PHF14: variants seen among roughly 807,000 people sequenced by gnomAD.
PHF14 encodes the protein PHD finger protein 14.
A neutral mutation model predicts 117.9 loss-of-function variants in PHF14; 55 were observed. That is an observed-to-expected ratio of 0.47 (90% confidence interval 0.38 to 0.58). PHF14 has a LOEUF of 0.58. PHF14 is among the 20% of genes least tolerant of loss of function. The pLI, the probability that PHF14 is intolerant of heterozygous loss-of-function variation, is 0.00. For synonymous variants in PHF14, 409 were observed against 368.6 expected, an observed-to-expected ratio of 1.11 and a Z score of -1.26; for missense variants, 978 against 1,122.2, an observed-to-expected ratio of 0.87 and a Z score of 1.84.
intron 4 of PHF14, among the ~76,000 whole-genome samples, chr7:11,006,163 C>A (rs555748617): frequency 1.6e-4 from 24 of 152,304 alleles, no homozygotes; most frequent in Non-Finnish European, 3.1e-4. Flanking sequence ...TAATTACCAA[C>A]AATGCACAAA....
At chr7:11,103,394 A>G in intron 16 of PHF14, 1 of 978,464 alleles carries the variant, frequency 1.0e-6, no homozygotes, top group Non-Finnish European at 1.2e-6. Flanking sequence ...TACAAAGATT[A>G]TTGACTATAC....
At chr7:11,029,485 T>A (rs1407155625) in intron 7 of PHF14, among the ~76,000 whole-genome samples, 2 of 152,188 alleles carry the variant, frequency 1.3e-5, no homozygotes, top group Non-Finnish European at 2.9e-5. Context: ...AGAATCCAGC[T>A]ACCTTTTTTT....
chr7:11,070,400 T>C (rs1785574894), intron 16 of PHF14, among the ~76,000 whole-genome samples: 1 of 152,240 alleles, frequency 6.6e-6, no homozygotes, highest in Admixed American at 6.5e-5. Flanking sequence ...TCAAGGAATG[T>C]ATTGATTTCA....
At chr7:11,156,408 G>T (rs1003641725) in intron 17 of PHF14, among the ~76,000 whole-genome samples, 7 of 152,178 alleles carry the variant, frequency 4.6e-5, no homozygotes, top group Admixed American at 1.3e-4. Context: ...TAAAACTGAA[G>T]ATTAATGGGT....
intron 14 of PHF14, among the ~76,000 whole-genome samples, chr7:11,060,272 T>C (rs546949909): frequency 2.0e-5 from 3 of 152,320 alleles, no homozygotes; most frequent in Admixed American, 1.3e-4. Flanking sequence ...ACAAGTTAAT[T>C]GAGTCTTTAT....
At chr7:11,029,311 GA>G (rs1784037806) in intron 7 of PHF14, among the ~76,000 whole-genome samples, 1 of 152,064 alleles carries the variant, frequency 6.6e-6, no homozygotes, top group African/African-American at 2.4e-5. Context: ...AGTGTTTGGG[GA>G]CTGGTTAAGA....
chr7:11,082,819 A>G (rs1266649881), intron 16 of PHF14, among the ~76,000 whole-genome samples: 2 of 152,036 alleles, frequency 1.3e-5, no homozygotes, highest in Non-Finnish European at 2.9e-5. Flanking sequence ...TCTGTGTGGG[A>G]TATGACAAGA....
intron 16 of PHF14, among the ~76,000 whole-genome samples, chr7:11,098,255 T>G (rs1786949909): frequency 6.6e-6 from 1 of 152,224 alleles, no homozygotes; most frequent in Non-Finnish European, 1.5e-5. Context: ...CAGAATATTT[T>G]GGGAACAGTT....
chr7:11,156,887 C>T (rs1788875358), intron 17 of PHF14, among the ~76,000 whole-genome samples: 1 of 152,112 alleles, frequency 6.6e-6, no homozygotes, highest in African/African-American at 2.4e-5. Context: ...GTTAAAAGAG[C>T]AGTATAAGTT....
chr7:11,054,092 A>G (rs1784937444), intron 14 of PHF14, among the ~76,000 whole-genome samples: 1 of 151,602 alleles, frequency 6.6e-6, no homozygotes, highest in Admixed American at 6.6e-5. Context: ...ACTTGTTTTT[A>G]TCAAAAAAGC....
intron 16 of PHF14, among the ~76,000 whole-genome samples, chr7:11,099,497 C>T (rs1787006395): frequency 6.6e-6 from 1 of 152,068 alleles, no homozygotes; most frequent in East Asian, 1.9e-4. Flanking sequence ...TAATTTCAAG[C>T]ACCTACAGCA....
chr7:11,103,590 T>C (rs1353294324), intron 16 of PHF14: 5 of 983,244 alleles, frequency 5.1e-6, no homozygotes, highest in Non-Finnish European at 6.0e-6. Context: ...GAATTGCACT[T>C]ATACATGTAA....
At chr7:11,036,930 C>T (rs2128322444) in intron 9 of PHF14, 55 bp from the exon 10 acceptor site, 5 of 1,191,182 alleles carry the variant, frequency 4.2e-6, no homozygotes, top group Non-Finnish European at 6.0e-6. Flanking sequence ...CTAGTTTCTT[C>T]CTATGTCAGT....
At chr7:10,998,953 A>G (rs962643979) in intron 4 of PHF14, among the ~76,000 whole-genome samples, 40 of 152,164 alleles carry the variant, frequency 2.6e-4, no homozygotes, top group African/African-American at 9.4e-4. Flanking sequence ...AGTTTTGAGT[A>G]ATTGAATTGG....
At chr7:11,022,236 A>G (rs1783761804) in intron 5 of PHF14, among the ~76,000 whole-genome samples, 1 of 152,164 alleles carries the variant, frequency 6.6e-6, no homozygotes, top group Non-Finnish European at 1.5e-5. Context: ...TGGGGCATAT[A>G]AATTTTAGTA....
At chr7:11,141,737 T>C (rs952088415) in intron 17 of PHF14, among the ~76,000 whole-genome samples, 2 of 151,990 alleles carry the variant, frequency 1.3e-5, no homozygotes, top group Admixed American at 1.3e-4. Flanking sequence ...TACGTGATTA[T>C]TGGTATTTTT....
At chr7:11,099,976 C>A (rs1156235515) in intron 16 of PHF14, among the ~76,000 whole-genome samples, 22 of 152,014 alleles carry the variant, frequency 1.4e-4, no homozygotes, top group Non-Finnish European at 2.6e-4. Context: ...TTGACAATTT[C>A]TCTAAATGAG....
At chr7:11,138,358 G>C (rs905223513) in intron 17 of PHF14, among the ~76,000 whole-genome samples, 1 of 151,992 alleles carries the variant, frequency 6.6e-6, no homozygotes, top group African/African-American at 2.4e-5. Context: ...TATTTCTAAA[G>C]AGACTCCTTA....
intron 16 of PHF14, chr7:11,107,558 ATACT>A (rs925548886): frequency 1.9e-4 from 163 of 871,588 alleles, no homozygotes; most frequent in Middle Eastern, 1.7e-3. Flanking sequence ...GGCTTAAATG[ATACT>A]TCTTTAAGCA....
Sources: allele counts gnomAD v4.1 joint callset (sites outside exome capture counted in the v4.1 genomes callset), GRCh38; gene constraint gnomAD v4.1.1; transcripts MANE v1.5; gene names NCBI Gene and HGNC (gene_info 2026-07-23, HGNC 2026-07-21).